KAZN: variants seen among roughly 807,000 people sequenced by gnomAD.
The protein encoded by KAZN is kazrin, periplakin interacting protein.
KAZN carries 40 observed loss-of-function variants against 87.4 expected under a neutral mutation model. The ratio of observed to expected loss-of-function variants is 0.46; its 90% CI spans 0.36 to 0.60. The LOEUF (loss-of-function observed/expected upper bound fraction) is 0.60, where lower values mean the gene tolerates loss of function less well. KAZN is among the 20% of genes least tolerant of loss of function. The probability of loss-of-function intolerance (pLI) is 0.00; values close to 1 mark genes in which losing one functional copy is unlikely to be tolerated. For missense variants in KAZN, 898 were observed against 1,073.9 expected, an observed-to-expected ratio of 0.84 and a Z score of 2.29; for synonymous variants, 466 against 458.3, an observed-to-expected ratio of 1.02 and a Z score of -0.22.
At chr1:14,550,217 T>G (rs1026841735) in intron 2 of KAZN, among the ~76,000 whole-genome samples, 1 of 152,062 alleles carries the variant, frequency 6.6e-6, no homozygotes, top group South Asian at 2.1e-4. Context: ...TCTACACTCA[T>G]GAAATTTACA....
chr1:13,902,079 G>T (rs1247880320), intron 1 of KAZN, among the ~76,000 whole-genome samples: 1 of 152,246 alleles, frequency 6.6e-6, no homozygotes, highest in Non-Finnish European at 1.5e-5. Flanking sequence ...GCCCCGGGGT[G>T]GTCAGCCACA....
chr1:14,389,985 C>G (rs1289831029), intron 2 of KAZN, among the ~76,000 whole-genome samples: 1 of 152,040 alleles, frequency 6.6e-6, no homozygotes. Flanking sequence ...AATATACACA[C>G]CTACTATGTA....
chr1:14,462,260 G>A lies in KAZN; in HGVS notation c.250-136723G>A, dbSNP rs1169688771. Among the ~76,000 whole-genome samples the A allele has an allele frequency of 3.9e-5, 6 of 151,948 alleles. No individual in the cohort carries two copies. In the East Asian group the frequency reaches 9.7e-4, roughly 25 times the overall value. The stretch of plus-strand genomic sequence containing the variant: ...CCAAAATTCCTGGCCACTAGGACAA[G>A]GGACTAAGAGTGGAGACCGTTTGTG... On this transcript the variant is annotated intron_variant, in intron 2 of 16. Transcript: ENST00000636203.
chr1:14,619,864 G>A (rs1291864691), intron 1 of KAZN, among the ~76,000 whole-genome samples: 2 of 152,224 alleles, frequency 1.3e-5, no homozygotes, highest in Non-Finnish European at 2.9e-5. Context: ...GCGTGTATCA[G>A]CACTTCATTC....
chr1:14,039,290 ACT>A (rs1489853003), intron 1 of KAZN, among the ~76,000 whole-genome samples: 1 of 151,946 alleles, frequency 6.6e-6, no homozygotes, highest in Non-Finnish European at 1.5e-5. Flanking sequence ...CAAGACTTCC[ACT>A]CTCTACGTCT....
At chr1:14,945,711 G>A (rs1369269852) in intron 1 of KAZN, among the ~76,000 whole-genome samples, 1 of 152,234 alleles carries the variant, frequency 6.6e-6, no homozygotes, top group Non-Finnish European at 1.5e-5. Flanking sequence ...TTTCTTCCTG[G>A]AGCAGCTGCT....
chr1:14,518,526 G>A (rs1392647237), intron 2 of KAZN, among the ~76,000 whole-genome samples: 1 of 152,168 alleles, frequency 6.6e-6, no homozygotes, highest in Non-Finnish European at 1.5e-5. Flanking sequence ...AGGAATGTCA[G>A]CTGATTAGAG....
chr1:14,319,844 G>A (rs1571296268), intron 2 of KAZN, among the ~76,000 whole-genome samples: 1 of 152,132 alleles, frequency 6.6e-6, no homozygotes, highest in Admixed American at 6.6e-5. Flanking sequence ...TTTCTATTAT[G>A]ATTTGAAGCA....
chr1:14,737,347 G>A (rs779394005), intron 1 of KAZN, among the ~76,000 whole-genome samples: 7 of 152,154 alleles, frequency 4.6e-5, no homozygotes, highest in Non-Finnish European at 7.3e-5. Flanking sequence ...TCGAATGGGT[G>A]GATCCATTCA....
At chr1:14,265,873 G>T (rs1436727393) in intron 2 of KAZN, among the ~76,000 whole-genome samples, 1 of 152,138 alleles carries the variant, frequency 6.6e-6, no homozygotes. Flanking sequence ...ATCTCTCATT[G>T]AACTAATTGG....
In KAZN at chr1:13,935,999, C is replaced by T. The variant is rs994412640; in HGVS notation, c.91+42243C>T. 2.7e-4 allele frequency among the ~76,000 whole-genome samples: 40 copies of T among 147,278 alleles called. No homozygotes were observed. In the East Asian group the frequency reaches 2.8e-3, roughly 10 times the overall value. On this transcript the variant is annotated intron_variant, in intron 1 of 16. Coordinates refer to the KAZN transcript ENST00000636203. ...ATTATATGATTTGTATATATCATTA[C>T]ATATCTGGTATGTGTATCTTATCCT...
At chr1:14,255,138 AAAGAAGAAG>A (rs1199857011) in intron 2 of KAZN, among the ~76,000 whole-genome samples, 1 of 125,266 alleles carries the variant, frequency 8.0e-6, no homozygotes, top group Non-Finnish European at 1.6e-5. Context: ...AAAAAAAAAA[AAAGAAGAAG>A]AAGAAGAAGA....
At chr1:13,900,166 G>A (rs920854485) in intron 1 of KAZN, among the ~76,000 whole-genome samples, 10 of 151,872 alleles carry the variant, frequency 6.6e-5, no homozygotes, top group Non-Finnish European at 1.3e-4. Context: ...AGTTTGCCTC[G>A]ACCTGGATTC....
intron 1 of KAZN, among the ~76,000 whole-genome samples, chr1:14,931,619 G>T (rs139140084): frequency 1.3e-5 from 2 of 152,218 alleles, no homozygotes; most frequent in Admixed American, 1.3e-4. Context: ...CTCCTCCCCC[G>T]CCAGGAATCT....
intron 2 of KAZN, among the ~76,000 whole-genome samples, chr1:14,425,675 G>C (rs1023067820): frequency 6.6e-6 from 1 of 152,098 alleles, no homozygotes. Context: ...CTGAAACTGC[G>C]GTCAGCTGGG....
chr1:14,813,336 C>T (rs996140718), intron 1 of KAZN, among the ~76,000 whole-genome samples: 1 of 152,164 alleles, frequency 6.6e-6, no homozygotes, highest in South Asian at 2.1e-4. Flanking sequence ...TGAAGCCTTG[C>T]GGTTTCCACC....
At chr1:14,640,058 G>C (rs139768667) in intron 1 of KAZN, among the ~76,000 whole-genome samples, 5 of 152,176 alleles carry the variant, frequency 3.3e-5, no homozygotes, top group Non-Finnish European at 5.9e-5. Context: ...ATCCACAAAA[G>C]GTTGTTCGAG....
chr1:14,953,502 C>T (rs1182247205), intron 1 of KAZN, among the ~76,000 whole-genome samples: 1 of 152,194 alleles, frequency 6.6e-6, no homozygotes. Flanking sequence ...TTCAACTTCC[C>T]CATCTATAAA....
intron 2 of KAZN, among the ~76,000 whole-genome samples, chr1:14,976,268 A>T (rs545852944): frequency 6.6e-6 from 1 of 152,234 alleles, no homozygotes; most frequent in Non-Finnish European, 1.5e-5. Context: ...TCCTGGACTC[A>T]GATGATTCTC....
Sources: allele counts gnomAD v4.1 joint callset (sites outside exome capture counted in the v4.1 genomes callset), GRCh38; gene constraint gnomAD v4.1.1; transcripts MANE v1.5; gene names NCBI Gene and HGNC (gene_info 2026-07-23, HGNC 2026-07-21).